The following IMMP2L variants were observed in gnomAD, a reference collection of about 807,000 sequenced individuals.
The protein encoded by IMMP2L is mitochondrial inner membrane protease subunit 2.
Under a neutral mutation model 19.3 loss-of-function variants are expected in IMMP2L, and 18 were observed. The observed-to-expected ratio is 0.93, with a 90% CI of 0.64 to 1.38. The LOEUF is 1.38. Ranked by LOEUF, IMMP2L falls within the 40% of genes most tolerant of loss-of-function variation. IMMP2L has a pLI of 0.00. For missense variants in IMMP2L, 233 were observed against 218.2 expected (o/e 1.07, Z -0.43); for synonymous variants, 76 against 73.0 (o/e 1.04, Z -0.21).
At chr7:111,544,711 G>A (rs115324862) in intron 1 of IMMP2L, among the ~76,000 whole-genome samples, 6 of 151,964 alleles carry the variant, frequency 3.9e-5, no homozygotes, top group African/African-American at 1.2e-4. Context: ...GTGTAACAGA[G>A]CAGCAAAATA....
intron 5 of IMMP2L, among the ~76,000 whole-genome samples, chr7:110,790,067 A>G (rs1800361375): frequency 6.6e-6 from 1 of 151,700 alleles, no homozygotes; most frequent in Admixed American, 6.6e-5. Context: ...TGCTAAGGAT[A>G]TAAACTTTGT....
chr7:111,050,197 A>G (rs1792867805), intron 3 of IMMP2L, among the ~76,000 whole-genome samples: 1 of 152,212 alleles, frequency 6.6e-6, no homozygotes. Context: ...ACCTTTTCTA[A>G]TGCAATCAAG....
At chr7:111,010,305 A>C (rs13227566) in intron 3 of IMMP2L, among the ~76,000 whole-genome samples, 1 of 152,282 alleles carries the variant, frequency 6.6e-6, no homozygotes, top group African/African-American at 2.4e-5. Flanking sequence ...TAGAGAAGTC[A>C]CAGAGTCTTA....
intron 5 of IMMP2L, among the ~76,000 whole-genome samples, chr7:110,854,298 T>A (rs940348091): frequency 3.9e-5 from 6 of 151,986 alleles, no homozygotes; most frequent in Non-Finnish European, 8.8e-5. Context: ...TACATTTAAA[T>A]ATTACATCCA....
At chr7:111,210,889 C>A (rs1028206298) in intron 3 of IMMP2L, among the ~76,000 whole-genome samples, 11 of 151,968 alleles carry the variant, frequency 7.2e-5, no homozygotes, top group African/African-American at 2.4e-4. Context: ...GTTGTGTCCC[C>A]CAGCAGTGTA....
intron 3 of IMMP2L, among the ~76,000 whole-genome samples, chr7:111,231,093 C>T (rs951958126): frequency 6.7e-6 from 1 of 150,360 alleles, no homozygotes; most frequent in Non-Finnish European, 1.5e-5. Context: ...AATACTGAAA[C>T]CAATAAATTT....
In IMMP2L at chr7:110,973,457, A is replaced by T. The variant is rs530669017; in HGVS notation, c.240-9892T>A. ...CTAAAGATTCTGACCTGCTATTTTT[A>T]GTTGACTGTACACAGTCAGCAATAA... On this transcript the variant is annotated intron_variant, in intron 3 of 5. Transcript: ENST00000405709. Among the ~76,000 whole-genome samples, 64 of 152,246 alleles carry T rather than the reference A, an allele frequency of 4.2e-4. No individual in the cohort carries two copies. In the South Asian group the frequency reaches 0.013, roughly 32 times the overall value.
chr7:110,700,478 G>A (rs115498080), intron 5 of IMMP2L, among the ~76,000 whole-genome samples: 1,708 of 152,176 alleles, frequency 0.011, 32 homozygotes, highest in African/African-American at 0.039. Context: ...TGCAATCCCC[G>A]TAGTCCTCAC....
At chr7:110,774,551 CATA>C (rs1333990849) in intron 5 of IMMP2L, among the ~76,000 whole-genome samples, 1 of 152,058 alleles carries the variant, frequency 6.6e-6, no homozygotes, top group Non-Finnish European at 1.5e-5. Flanking sequence ...TTATGTGCCA[CATA>C]ATGACATTTT....
intron 1 of IMMP2L, among the ~76,000 whole-genome samples, chr7:111,530,202 C>A (rs1847262533): frequency 6.6e-6 from 1 of 152,060 alleles, no homozygotes; most frequent in Admixed American, 6.5e-5. Context: ...TCCAGAGGTT[C>A]AAAATGTTCA....
At chr7:111,099,372 A>T (rs1797732418) in intron 3 of IMMP2L, among the ~76,000 whole-genome samples, 1 of 151,740 alleles carries the variant, frequency 6.6e-6, no homozygotes, top group East Asian at 1.9e-4. Flanking sequence ...TTTCAATGAA[A>T]TTCATCAATC....
At chr7:111,309,803 G>T (rs1823303893) in intron 3 of IMMP2L, among the ~76,000 whole-genome samples, 1 of 151,974 alleles carries the variant, frequency 6.6e-6, no homozygotes, top group Admixed American at 6.6e-5. Flanking sequence ...CAAAATTATA[G>T]TACCTGTTAG....
intron 3 of IMMP2L, among the ~76,000 whole-genome samples, chr7:111,446,409 G>A (rs553554413): frequency 6.1e-5 from 9 of 148,546 alleles, no homozygotes; most frequent in Admixed American, 2.6e-4. Context: ...CCTGACCCCC[G>A]AGCAGCCTAA....
intron 2 of IMMP2L, 35 bp downstream of exon 2, chr7:111,521,278 A>G (rs1346507659): frequency 3.1e-6 from 5 of 1,592,506 alleles, no homozygotes; most frequent in Non-Finnish European, 4.3e-6. Flanking sequence ...ACAATGAAGT[A>G]TGTGCTTTAA....
intron 3 of IMMP2L, among the ~76,000 whole-genome samples, chr7:111,211,584 T>C (rs1200781898): frequency 6.6e-6 from 1 of 152,198 alleles, no homozygotes; most frequent in Non-Finnish European, 1.5e-5. Flanking sequence ...CAGATAAATG[T>C]AGTATACTTG....
At chr7:111,154,125 T>C (rs1162057854) in intron 3 of IMMP2L, among the ~76,000 whole-genome samples, 1 of 152,148 alleles carries the variant, frequency 6.6e-6, no homozygotes, top group East Asian at 1.9e-4. Context: ...CAATCTTGTT[T>C]CTTAGTTTAT....
At chr7:111,003,597 G>A (rs79138649) in intron 3 of IMMP2L, among the ~76,000 whole-genome samples, 1,898 of 151,660 alleles carry the variant, frequency 0.013, 32 homozygotes, top group African/African-American at 0.043. Context: ...CTGCAGCCTC[G>A]ATCTCCTGGG....
At chr7:110,943,632 T>C (rs1816948781) in intron 4 of IMMP2L, among the ~76,000 whole-genome samples, 1 of 151,962 alleles carries the variant, frequency 6.6e-6, no homozygotes, top group Non-Finnish European at 1.5e-5. Context: ...AAAAAAAATA[T>C]GGAGCAGAGC....
At chr7:110,937,683 C>T (rs1439816429) in intron 4 of IMMP2L, among the ~76,000 whole-genome samples, 1 of 152,128 alleles carries the variant, frequency 6.6e-6, no homozygotes, top group Non-Finnish European at 1.5e-5. Flanking sequence ...CATTATACTT[C>T]GCAAAGCCAG....
Sources: gnomAD v4.1 joint callset for allele counts (sites outside exome capture counted in the v4.1 genomes callset) on GRCh38, gnomAD v4.1.1 for gene constraint, MANE v1.5 for transcripts, NCBI Gene and HGNC (gene_info 2026-07-23, HGNC 2026-07-21) for gene names.